The following MYT1L variants were observed in gnomAD, a reference collection of about 807,000 sequenced individuals.
MYT1L encodes myelin transcription factor 1-like protein.
A neutral mutation model predicts 126.7 loss-of-function variants in MYT1L; 12 were observed. That is an observed-to-expected ratio of 0.09 (90% CI 0.06 to 0.15). The LOEUF (loss-of-function observed/expected upper bound fraction) is 0.15. MYT1L is among the 10% of genes least tolerant of loss of function. The probability of loss-of-function intolerance (pLI) is 1.00; values close to 1 mark genes in which losing one functional copy is unlikely to be tolerated. For missense variants in MYT1L, 979 were observed against 1,585.2 expected, an observed-to-expected ratio of 0.62 and a Z score of 6.49; for synonymous variants, 541 against 604.2, an observed-to-expected ratio of 0.90 and a Z score of 1.53.
At chr2:1,968,311 C>T (rs997820324) in intron 8 of MYT1L, among the ~76,000 whole-genome samples, 10 of 152,158 alleles carry the variant, frequency 6.6e-5, no homozygotes, top group African/African-American at 9.7e-5. Flanking sequence ...CATTCAGAAG[C>T]GTGAGAAGCC....
intron 18 of MYT1L, among the ~76,000 whole-genome samples, chr2:1,862,279 CA>C (rs1051186207): frequency 6.7e-6 from 1 of 149,886 alleles, no homozygotes; most frequent in Non-Finnish European, 1.5e-5. Flanking sequence ...AAAAAAAAAT[CA>C]AAAAATCTTT....
At chr2:1,898,018 T>C (rs1573360391) in intron 14 of MYT1L, among the ~76,000 whole-genome samples, 1 of 152,322 alleles carries the variant, frequency 6.6e-6, no homozygotes, top group South Asian at 2.1e-4. Context: ...AATACAGCTG[T>C]TGATGTAATA....
At chr2:2,025,911 C>T (rs1385100406) in intron 4 of MYT1L, among the ~76,000 whole-genome samples, 1 of 152,232 alleles carries the variant, frequency 6.6e-6, no homozygotes, top group Non-Finnish European at 1.5e-5. Flanking sequence ...AAAATCTGAA[C>T]TAATCATGTG....
chr2:2,210,997 T>C (rs1322916513), intron 2 of MYT1L, among the ~76,000 whole-genome samples: 2 of 152,204 alleles, frequency 1.3e-5, no homozygotes, highest in African/African-American at 2.4e-5. Context: ...CTATTATAAA[T>C]AGGATTGCTC....
intron 21 of MYT1L, chr2:1,825,034 A>T (rs1406905812): frequency 6.6e-6 from 1 of 152,458 alleles, no homozygotes; most frequent in Non-Finnish European, 1.5e-5. Flanking sequence ...GAGAGGAGTA[A>T]GGGGTTTGGA....
chr2:2,269,521 G>A (rs1009717994), intron 2 of MYT1L, among the ~76,000 whole-genome samples: 2 of 152,142 alleles, frequency 1.3e-5, no homozygotes, highest in Admixed American at 1.3e-4. Context: ...TGCTAGCCTG[G>A]TTCCCTTGCT....
rs569580642 is a variant in MYT1L at position 2,181,640 on chromosome 2, C to T, written c.-420-8652G>A. ...CCTTCATCTGTGACAGAGTTGACCA[C>T]GTGGAAGCGCTTTGTCTTCCCGGAT... On this transcript the variant is annotated intron_variant, in intron 2 of 24. Transcript: ENST00000647738. Among the ~76,000 whole-genome samples, 44 of 152,256 alleles carry T rather than the reference C, an allele frequency of 2.9e-4. No individual in the cohort carries two copies. The South Asian group carries it at 8.7e-3, about 30-fold the overall frequency.
At chr2:2,066,518 A>G (rs1558905060) in intron 3 of MYT1L, among the ~76,000 whole-genome samples, 1 of 152,156 alleles carries the variant, frequency 6.6e-6, no homozygotes, top group East Asian at 1.9e-4. Flanking sequence ...TTTAAATAAT[A>G]TTTGTTTCTC....
At chr2:2,018,082 A>T (rs2149806935) in intron 4 of MYT1L, among the ~76,000 whole-genome samples, 1 of 152,362 alleles carries the variant, frequency 6.6e-6, no homozygotes, top group East Asian at 1.9e-4. Flanking sequence ...ACATGGATTC[A>T]AAAGAGTAAA....
Position 2,179,791 on chromosome 2 carries a change from A to C in MYT1L, c.-420-6803T>G, listed in dbSNP as rs2148618977. On this transcript the variant is annotated intron_variant, in intron 2 of 24. Transcript: ENST00000647738. ...ACCACCTTATGTGACCTTTAGTTTA[A>C]GCTGCTTTGTCCTCTCCATGTTCCT... Among the ~76,000 whole-genome samples, 3 of 152,290 alleles carry C rather than the reference A, an allele frequency of 2.0e-5. 1 individual carries two copies. Among genetic ancestry groups the C allele is most frequent in the Admixed American group, 2.0e-4 (3 of 15,288 alleles).
chr2:2,217,850 A>C (rs2093736391), intron 2 of MYT1L, among the ~76,000 whole-genome samples: 1 of 152,192 alleles, frequency 6.6e-6, no homozygotes, highest in South Asian at 2.1e-4. Context: ...AGAATACAAA[A>C]AGAGCTCTCG....
At chr2:2,061,064 T>C (rs184258823) in intron 3 of MYT1L, among the ~76,000 whole-genome samples, 1 of 152,178 alleles carries the variant, frequency 6.6e-6, no homozygotes, top group Non-Finnish European at 1.5e-5. Context: ...GAAATAGTGA[T>C]CTGCAATGGG....
intron 23 of MYT1L, among the ~76,000 whole-genome samples, chr2:1,798,844 C>CG (rs2034309790): frequency 6.6e-6 from 1 of 152,212 alleles, no homozygotes. Context: ...CCATACTCCC[C>CG]GGGCAGTGGC....
At chr2:1,794,645 G>C (rs1412134880) in intron 23 of MYT1L, among the ~76,000 whole-genome samples, 1 of 152,142 alleles carries the variant, frequency 6.6e-6, no homozygotes, top group African/African-American at 2.4e-5. Flanking sequence ...TATGTTCTCT[G>C]CTGGAAAGTC....
chr2:1,855,292 A>G (rs2043772518), intron 18 of MYT1L, among the ~76,000 whole-genome samples: 1 of 152,238 alleles, frequency 6.6e-6, no homozygotes, highest in South Asian at 2.1e-4. Context: ...AAATCGATTT[A>G]CAAACACGCG....
chr2:2,037,322 C>T (rs2066972574), intron 4 of MYT1L, among the ~76,000 whole-genome samples: 1 of 152,178 alleles, frequency 6.6e-6, no homozygotes, highest in Non-Finnish European at 1.5e-5. Context: ...TCACCCAGCA[C>T]AGAGCATGGC....
intron 2 of MYT1L, among the ~76,000 whole-genome samples, chr2:2,191,065 G>A (rs553938190): frequency 5.9e-5 from 9 of 152,320 alleles, no homozygotes; most frequent in Admixed American, 1.3e-4. Flanking sequence ...GATTACAGGC[G>A]TGGGCCACCG....
At chr2:2,135,568 CAT>C (rs753980991) in intron 3 of MYT1L, among the ~76,000 whole-genome samples, 4 of 152,152 alleles carry the variant, frequency 2.6e-5, no homozygotes, top group Non-Finnish European at 5.9e-5. Context: ...AAGTATGACA[CAT>C]GTTCTGAAGT....
At chr2:2,184,784 G>A (rs921905058) in intron 2 of MYT1L, among the ~76,000 whole-genome samples, 7 of 152,070 alleles carry the variant, frequency 4.6e-5, no homozygotes, top group African/African-American at 1.4e-4. Flanking sequence ...CTCCTCATCC[G>A]TCAGCTTCAG....
Sources: allele counts gnomAD v4.1 joint callset (sites outside exome capture counted in the v4.1 genomes callset), GRCh38; gene constraint gnomAD v4.1.1; transcripts MANE v1.5; gene names NCBI Gene and HGNC (gene_info 2026-07-23, HGNC 2026-07-21).